SLC35F1: variants seen among roughly 807,000 people sequenced by gnomAD.
SLC35F1 encodes the protein chromosome 6 open reading frame 169.
SLC35F1 carries 14 observed loss-of-function variants against 48.7 expected under a neutral mutation model. The ratio of observed to expected loss-of-function variants is 0.29; its 90% CI spans 0.19 to 0.45. SLC35F1 has a LOEUF of 0.45. SLC35F1 is among the 20% of genes least tolerant of loss of function. The pLI is 1.00. For missense variants in SLC35F1, 404 were observed against 500.0 expected, an observed-to-expected ratio of 0.81 and a Z score of 1.83; for synonymous variants, 190 against 202.2, an observed-to-expected ratio of 0.94 and a Z score of 0.51.
chr6:118,133,664 C>G (rs548838147), intron 1 of SLC35F1, among the ~76,000 whole-genome samples: 9 of 152,236 alleles, frequency 5.9e-5, no homozygotes, highest in African/African-American at 2.2e-4. Context: ...ATTTTTTTCT[C>G]TTTTCCTTCT....
intron 5 of SLC35F1, 136 bp downstream of exon 5, chr6:118,275,751 G>T: frequency 1.6e-6 from 1 of 637,642 alleles, no homozygotes; most frequent in Non-Finnish European, 2.5e-6. Flanking sequence ...TATGTAATCT[G>T]CCAACTCAAT....
chr6:118,154,313 T>C, intron 1 of SLC35F1, 132 bp from the exon 2 acceptor site: 2 of 722,824 alleles, frequency 2.8e-6, no homozygotes, highest in Admixed American at 3.4e-5. Context: ...ATTGCTTTGA[T>C]GGACTAAAGG....
At chr6:118,238,447 T>TAATAATAAC (rs1360755240) in intron 3 of SLC35F1, among the ~76,000 whole-genome samples, 17 of 150,378 alleles carry the variant, frequency 1.1e-4, no homozygotes, top group African/African-American at 3.9e-4. Flanking sequence ...ATAATAATAA[T>TAATAATAAC]AATAATAATA....
At chr6:118,283,267 T>C (rs1215343805) in intron 6 of SLC35F1, among the ~76,000 whole-genome samples, 1 of 152,166 alleles carries the variant, frequency 6.6e-6, no homozygotes, top group Admixed American at 6.6e-5. Context: ...TCGAGGTAAA[T>C]GCCACCTCCA....
intron 1 of SLC35F1, among the ~76,000 whole-genome samples, chr6:117,966,335 C>T (rs188780686): frequency 5.8e-4 from 88 of 151,858 alleles, no homozygotes; most frequent in African/African-American, 2.1e-3. Context: ...ACCACGAACC[C>T]ACCGGCAGGA....
intron 3 of SLC35F1, among the ~76,000 whole-genome samples, chr6:118,247,147 C>G (rs892839400): frequency 1.3e-5 from 2 of 152,226 alleles, no homozygotes; most frequent in Non-Finnish European, 2.9e-5. Context: ...TTCTTATACA[C>G]TCTTACTCTT....
At chr6:118,010,646 A>G (rs1777231397) in intron 1 of SLC35F1, among the ~76,000 whole-genome samples, 1 of 152,222 alleles carries the variant, frequency 6.6e-6, no homozygotes, top group East Asian at 1.9e-4. Flanking sequence ...CTCATGTTGT[A>G]TAAAATGTAT....
chr6:117,922,380 T>C (rs1439847982), intron 1 of SLC35F1, among the ~76,000 whole-genome samples: 3 of 152,188 alleles, frequency 2.0e-5, no homozygotes, highest in Non-Finnish European at 4.4e-5. Context: ...TACATCACCC[T>C]GGGAAAATTA....
intron 1 of SLC35F1, among the ~76,000 whole-genome samples, chr6:118,018,802 T>C (rs1406539579): frequency 6.6e-6 from 1 of 152,178 alleles, no homozygotes; most frequent in Non-Finnish European, 1.5e-5. Flanking sequence ...AGATTTATAT[T>C]ATTAGGCCAC....
intron 1 of SLC35F1, among the ~76,000 whole-genome samples, chr6:118,150,230 A>T (rs1176767661): frequency 1.3e-5 from 2 of 152,126 alleles, no homozygotes; most frequent in African/African-American, 2.4e-5. Flanking sequence ...ACATAGTAAG[A>T]ACTTACTAAA....
At chr6:117,938,049 A>G (rs1369666657) in intron 1 of SLC35F1, among the ~76,000 whole-genome samples, 1 of 152,192 alleles carries the variant, frequency 6.6e-6, no homozygotes, top group Non-Finnish European at 1.5e-5. Context: ...ATAAAATGAC[A>G]TCAAAACTAA....
intron 1 of SLC35F1, among the ~76,000 whole-genome samples, chr6:118,097,395 A>G (rs997025725): frequency 2.0e-5 from 3 of 152,172 alleles, no homozygotes; most frequent in African/African-American, 2.4e-5. Flanking sequence ...TCCTTTTAAA[A>G]CAATTCAGCC....
chr6:117,922,054 CT>C (rs35676703), intron 1 of SLC35F1, among the ~76,000 whole-genome samples: 1 of 152,132 alleles, frequency 6.6e-6, no homozygotes, highest in Non-Finnish European at 1.5e-5. Flanking sequence ...GATTCTCTTC[CT>C]TTTTAGTTGC....
intron 2 of SLC35F1, among the ~76,000 whole-genome samples, chr6:118,156,042 G>A (rs1159225711): frequency 3.9e-5 from 6 of 152,126 alleles, no homozygotes; most frequent in South Asian, 2.1e-4. Context: ...TATTGTAGAA[G>A]CTAATTTTAT....
At chr6:118,224,773 T>A (rs1465254628) in intron 2 of SLC35F1, among the ~76,000 whole-genome samples, 2 of 152,246 alleles carry the variant, frequency 1.3e-5, no homozygotes, top group African/African-American at 4.8e-5. Context: ...CTTGCAACTT[T>A]ACTGAATTTG....
intron 1 of SLC35F1, among the ~76,000 whole-genome samples, chr6:118,027,999 G>A (rs1443383272): frequency 6.6e-6 from 1 of 152,104 alleles, no homozygotes; most frequent in Non-Finnish European, 1.5e-5. Flanking sequence ...AGGCTTAGGA[G>A]TTGCATTTAG....
intron 7 of SLC35F1, among the ~76,000 whole-genome samples, chr6:118,290,795 A>C: frequency 1.0e-5 from 1 of 95,492 alleles, no homozygotes; most frequent in Non-Finnish European, 2.2e-5. Flanking sequence ...CAGAAAATCG[A>C]CTATTTTTTT....
At chr6:118,152,498 T>C (rs999509803) in intron 1 of SLC35F1, among the ~76,000 whole-genome samples, 3 of 152,198 alleles carry the variant, frequency 2.0e-5, no homozygotes, top group Admixed American at 6.5e-5. Context: ...TGCTCCATGG[T>C]GGCATATGTT....
At chr6:118,280,869 C>CAA (rs1554244230) in intron 6 of SLC35F1, among the ~76,000 whole-genome samples, 9 of 125,216 alleles carry the variant, frequency 7.2e-5, no homozygotes, top group Admixed American at 4.6e-4. Flanking sequence ...GAGTCTGTCC[C>CAA]AAAAAAAAAA....
Sources: gnomAD v4.1 joint callset for allele counts (sites outside exome capture counted in the v4.1 genomes callset) on GRCh38, gnomAD v4.1.1 for gene constraint, MANE v1.5 for transcripts, NCBI Gene and HGNC (gene_info 2026-07-23, HGNC 2026-07-21) for gene names.